XKR4: variants seen among roughly 807,000 people sequenced by gnomAD.
XKR4 encodes the protein XK related 4, also known as XK-related protein 4.
XKR4 carries 12 observed loss-of-function variants against 53.9 expected under a neutral mutation model. The ratio of observed to expected loss-of-function variants is 0.22; its 90% CI spans 0.14 to 0.36. XKR4 has a LOEUF of 0.36. Among genes scored for constraint, XKR4 ranks in the 10% least tolerant of loss-of-function variants. The pLI, the probability that XKR4 is intolerant of heterozygous loss-of-function variation, is 1.00. For synonymous variants in XKR4, 354 were observed against 362.4 expected, an observed-to-expected ratio of 0.98 and a Z score of 0.26; for missense variants, 799 against 859.5, an observed-to-expected ratio of 0.93 and a Z score of 0.88.
intron 1 of XKR4, among the ~76,000 whole-genome samples, chr8:55,172,709 C>CA (rs1205095775): frequency 6.6e-6 from 1 of 152,066 alleles, no homozygotes; most frequent in Non-Finnish European, 1.5e-5. Flanking sequence ...TTCATACAGA[C>CA]AAAAAAGAAA....
At chr8:55,153,815 T>C (rs1384488126) in intron 1 of XKR4, among the ~76,000 whole-genome samples, 1 of 152,212 alleles carries the variant, frequency 6.6e-6, no homozygotes, top group East Asian at 1.9e-4. Flanking sequence ...TGCTCATGCT[T>C]TCTTGATACT....
At chr8:55,119,965 G>T (rs1182664165) in intron 1 of XKR4, among the ~76,000 whole-genome samples, 1 of 152,180 alleles carries the variant, frequency 6.6e-6, no homozygotes, top group Non-Finnish European at 1.5e-5. Flanking sequence ...AATTAAAAAA[G>T]ATTTACCAGA....
At chr8:55,359,189 G>T (rs375356790) in intron 2 of XKR4, among the ~76,000 whole-genome samples, 2 of 152,200 alleles carry the variant, frequency 1.3e-5, no homozygotes, top group African/African-American at 2.4e-5. Flanking sequence ...GCAGAAGGCC[G>T]TGTGAATTAG....
At chr8:55,113,523 A>G (rs1375994175) in intron 1 of XKR4, among the ~76,000 whole-genome samples, 2 of 152,218 alleles carry the variant, frequency 1.3e-5, no homozygotes, top group Non-Finnish European at 1.5e-5. Context: ...GCAAAGAAAG[A>G]AAAACTTGAG....
chr8:55,418,240 G>A (rs567280581), intron 2 of XKR4, among the ~76,000 whole-genome samples: 1 of 152,206 alleles, frequency 6.6e-6, no homozygotes. Flanking sequence ...AGCCGTGGCA[G>A]GGCAGATCCC....
intron 2 of XKR4, among the ~76,000 whole-genome samples, chr8:55,501,680 A>G (rs1806439583): frequency 1.0e-5 from 1 of 96,246 alleles, no homozygotes; most frequent in South Asian, 4.3e-4. Context: ...TGTTGTAAAT[A>G]CATACATATA....
intron 2 of XKR4, among the ~76,000 whole-genome samples, chr8:55,442,055 T>A (rs572402495): frequency 6.6e-6 from 1 of 151,998 alleles, no homozygotes; most frequent in South Asian, 2.1e-4. Context: ...TTAACAAAAA[T>A]TTTTTTCTTT....
intron 1 of XKR4, among the ~76,000 whole-genome samples, chr8:55,265,762 T>C (rs1242040929): frequency 1.3e-5 from 2 of 151,728 alleles, no homozygotes; most frequent in Non-Finnish European, 2.9e-5. Context: ...GGGCAGATCA[T>C]GAGGTCAAGA....
chr8:55,190,615 A>T (rs1453154512), intron 1 of XKR4, among the ~76,000 whole-genome samples: 1 of 152,228 alleles, frequency 6.6e-6, no homozygotes, highest in Non-Finnish European at 1.5e-5. Flanking sequence ...TTTAGGAGAC[A>T]CTGCTATGTG....
chr8:55,226,891 T>G (rs770022287), intron 1 of XKR4, among the ~76,000 whole-genome samples: 2 of 152,172 alleles, frequency 1.3e-5, no homozygotes, highest in Non-Finnish European at 2.9e-5. Flanking sequence ...CCATCACTGT[T>G]GAGATGAAAG....
At chr8:55,425,103 A>G (rs1804993282) in intron 2 of XKR4, among the ~76,000 whole-genome samples, 1 of 151,992 alleles carries the variant, frequency 6.6e-6, no homozygotes, top group Admixed American at 6.6e-5. Context: ...ATCAAGCCCT[A>G]TTGTCTTAAC....
rs550560749 is a variant in XKR4, at chr8:55,376,511, A to T, written c.1006+18634A>T. 1.0e-3 allele frequency among the ~76,000 whole-genome samples: 153 copies of T among 152,096 alleles called. 1 individual carries two copies. The highest frequency in any genetic ancestry group is 3.4e-3 in the African/African-American group (142 of 41,474). The stretch of plus-strand genomic sequence containing the variant: ...TGAGCTTTTTTTAAGTTTATTGGCC[A>T]CATGTATGTCTTTTTTTGAGAAGTG... On this transcript the variant is annotated intron_variant, in intron 2 of 2. Coordinates refer to ENST00000327381, the MANE Select transcript of XKR4 (RefSeq NM_052898.2).
At chr8:55,300,717 T>C (rs1819180619) in intron 1 of XKR4, among the ~76,000 whole-genome samples, 1 of 151,990 alleles carries the variant, frequency 6.6e-6, no homozygotes, top group African/African-American at 2.4e-5. Flanking sequence ...CTTTACTAAA[T>C]GTGGGGGAAT....
At chr8:55,240,058 C>T (rs1818188150) in intron 1 of XKR4, among the ~76,000 whole-genome samples, 1 of 152,150 alleles carries the variant, frequency 6.6e-6, no homozygotes, top group Admixed American at 6.5e-5. Flanking sequence ...TTTCTGTCTA[C>T]CTGCTAAACT....
At chr8:55,233,534 G>T (rs1236203095) in intron 1 of XKR4, among the ~76,000 whole-genome samples, 1 of 152,252 alleles carries the variant, frequency 6.6e-6, no homozygotes, top group African/African-American at 2.4e-5. Context: ...CATTGCAAAG[G>T]TGTGGGCATG....
At chr8:55,305,776 C>T (rs1198397022) in intron 1 of XKR4, among the ~76,000 whole-genome samples, 2 of 152,106 alleles carry the variant, frequency 1.3e-5, no homozygotes, top group African/African-American at 4.8e-5. Flanking sequence ...AAGCTCAATG[C>T]CCTTCCAATC....
chr8:55,453,032 C>T (rs1563354425), intron 2 of XKR4: 7 of 626,388 alleles, frequency 1.1e-5, no homozygotes, highest in Non-Finnish European at 3.1e-6. Context: ...CTCTCATCCT[C>T]CTGGGAAGGT....
chr8:55,212,621 G>A (rs1429959505), intron 1 of XKR4, among the ~76,000 whole-genome samples: 1 of 152,184 alleles, frequency 6.6e-6, no homozygotes, highest in Non-Finnish European at 1.5e-5. Context: ...AGGGCCAAAG[G>A]CATTTAAAGG....
chr8:55,381,799 C>T (rs1406400642), intron 2 of XKR4, among the ~76,000 whole-genome samples: 4 of 152,192 alleles, frequency 2.6e-5, no homozygotes, highest in Non-Finnish European at 4.4e-5. Context: ...ATTATGACAT[C>T]GCACTGTAGC....
Sources: allele counts gnomAD v4.1 joint callset (sites outside exome capture counted in the v4.1 genomes callset), GRCh38; gene constraint gnomAD v4.1.1; transcripts MANE v1.5; gene names NCBI Gene and HGNC (gene_info 2026-07-23, HGNC 2026-07-21).